LARGE1: variants seen among roughly 807,000 people sequenced by gnomAD.
The protein encoded by LARGE1 is xylosyl- and glucuronyltransferase LARGE1.
Under a neutral mutation model 87.6 loss-of-function variants are expected in LARGE1, and 43 were observed. The observed-to-expected ratio is 0.49, with a 90% CI of 0.38 to 0.63. The LOEUF is 0.63. Ranked by LOEUF, LARGE1 falls within the 30% of genes least tolerant of loss-of-function variation. LARGE1 has a pLI of 0.00. For synonymous variants in LARGE1, 434 were observed against 394.6 expected (o/e 1.10, Z -1.18); for missense variants, 802 against 1,000.2 (o/e 0.80, Z 2.67).
chr22:33,897,010 C>T (rs894745361), intron 1 of LARGE1, among the ~76,000 whole-genome samples: 4 of 152,174 alleles, frequency 2.6e-5, no homozygotes, highest in African/African-American at 4.8e-5. Context: ...TTCTGGTTAT[C>T]GCCCCTGTCT....
intron 5 of LARGE1, among the ~76,000 whole-genome samples, chr22:33,590,325 C>G (rs1439243997): frequency 6.6e-6 from 1 of 152,148 alleles, no homozygotes; most frequent in Non-Finnish European, 1.5e-5. Context: ...AAGTTGTTAT[C>G]CAGTAATGGA....
At chr22:33,697,701 G>A (rs2082293807) in intron 2 of LARGE1, among the ~76,000 whole-genome samples, 1 of 152,146 alleles carries the variant, frequency 6.6e-6, no homozygotes, top group South Asian at 2.1e-4. Flanking sequence ...TTCTTCTGCG[G>A]TGCGCTGCAG....
chr22:33,835,302 A>T (rs2063081062), intron 1 of LARGE1, among the ~76,000 whole-genome samples: 1 of 152,198 alleles, frequency 6.6e-6, no homozygotes, highest in Non-Finnish European at 1.5e-5. Flanking sequence ...AAAGGCAGGC[A>T]AGTCTTTGCA....
At position 33,871,744 on chromosome 22, in the gene LARGE1, A is replaced by C. The variant is rs16993200; in HGVS notation, c.-83+48251T>G. On this transcript the variant is annotated intron_variant, in intron 1 of 14. Coordinates refer to ENST00000397394, the MANE Select transcript of LARGE1 (RefSeq NM_133642.5). ...CTTTCTCTCTGCAACTTTTCACTGA[A>C]ACACTTGATTTTTTCACTGCATGAA... Among the ~76,000 whole-genome samples the C allele has an allele frequency of 6.2e-3, 940 of 152,180 alleles. 5 individuals are homozygous for C. Among genetic ancestry groups the C allele is most frequent in the African/African-American group, 0.021 (865 of 41,526 alleles).
At chr22:33,830,425 G>A (rs758062706) in intron 1 of LARGE1, among the ~76,000 whole-genome samples, 8 of 152,120 alleles carry the variant, frequency 5.3e-5, no homozygotes, top group African/African-American at 1.9e-4. Context: ...TTTCCTCCAC[G>A]AGAGGCAGGA....
intron 11 of LARGE1, among the ~76,000 whole-genome samples, chr22:33,259,211 T>C (rs767603328): frequency 6.6e-6 from 1 of 151,998 alleles, no homozygotes; most frequent in Non-Finnish European, 1.5e-5. Context: ...TGCTGAAGGG[T>C]TTATCTGATT....
chr22:33,452,968 A>G (rs1176789715), intron 6 of LARGE1, among the ~76,000 whole-genome samples: 2 of 152,210 alleles, frequency 1.3e-5, no homozygotes, highest in Non-Finnish European at 2.9e-5. Context: ...GGATTGTTTG[A>G]AAGGCAGCAA....
intron 6 of LARGE1, among the ~76,000 whole-genome samples, chr22:33,512,257 T>C (rs1047026453): frequency 6.6e-6 from 1 of 152,164 alleles, no homozygotes; most frequent in African/African-American, 2.4e-5. Context: ...GAATGTTGTA[T>C]GCCAAAGAAA....
At chr22:33,702,978 G>A (rs2082444101) in intron 2 of LARGE1, among the ~76,000 whole-genome samples, 2 of 152,152 alleles carry the variant, frequency 1.3e-5, no homozygotes, top group South Asian at 2.1e-4. Flanking sequence ...GCAGGAAAAG[G>A]TGTTCCAGGA....
intron 1 of LARGE1, among the ~76,000 whole-genome samples, chr22:33,891,011 T>C: frequency 6.7e-6 from 1 of 148,356 alleles, no homozygotes; most frequent in South Asian, 2.2e-4. Context: ...CTGGGCTCCA[T>C]ATGGTTCTGT....
chr22:33,587,933 G>A (rs1391746637), intron 5 of LARGE1, among the ~76,000 whole-genome samples: 1 of 152,014 alleles, frequency 6.6e-6, no homozygotes, highest in Non-Finnish European at 1.5e-5. Context: ...AATGCCTTTT[G>A]TTGGAAAATC....
chr22:33,712,764 G>A (rs1042648834), intron 2 of LARGE1, among the ~76,000 whole-genome samples: 2 of 150,892 alleles, frequency 1.3e-5, no homozygotes, highest in African/African-American at 4.9e-5. Context: ...GAAAGCAGAG[G>A]CAACAACACA....
intron 7 of LARGE1, among the ~76,000 whole-genome samples, chr22:33,421,253 T>G (rs2066688522): frequency 6.6e-6 from 1 of 150,934 alleles, no homozygotes; most frequent in Admixed American, 6.6e-5. Flanking sequence ...AATAAAGGAG[T>G]GGGAAAATAC....
At chr22:33,825,416 T>G (rs536123565) in intron 1 of LARGE1, among the ~76,000 whole-genome samples, 11 of 146,360 alleles carry the variant, frequency 7.5e-5, no homozygotes, top group Non-Finnish European at 1.5e-4. Context: ...GACTGGGTAA[T>G]TATAAAGGAA....
At chr22:33,921,301 G>A (rs2065944728), upstream of LARGE1, among the ~76,000 whole-genome samples, 1 of 152,192 alleles carries the variant, frequency 6.6e-6, no homozygotes, top group African/African-American at 2.4e-5. The surrounding 1 kb of genome is among the most constrained non-coding windows in gnomAD (Gnocchi z 4.1). Flanking sequence ...TGCAAGCTGG[G>A]AGCTCCCCGC....
intron 11 of LARGE1, among the ~76,000 whole-genome samples, chr22:33,217,817 T>G (rs959310290): frequency 4.6e-5 from 7 of 152,180 alleles, no homozygotes; most frequent in Non-Finnish European, 1.0e-4. Flanking sequence ...AGGATCTCAC[T>G]GTGTTGCCCA....
chr22:33,709,201 A>T (rs2082651831), intron 2 of LARGE1, among the ~76,000 whole-genome samples: 1 of 152,148 alleles, frequency 6.6e-6, no homozygotes, highest in Non-Finnish European at 1.5e-5. Flanking sequence ...GCAAAATGAG[A>T]CACACAGGAA....
At chr22:33,763,939 T>G (rs2084818267) in intron 1 of LARGE1, among the ~76,000 whole-genome samples, 1 of 132,376 alleles carries the variant, frequency 7.6e-6, no homozygotes, top group Non-Finnish European at 1.6e-5. Context: ...AACCTCCGCC[T>G]CCCATGTTCA....
chr22:33,621,292 G>A (rs541019827), intron 4 of LARGE1, among the ~76,000 whole-genome samples: 2 of 152,012 alleles, frequency 1.3e-5, no homozygotes. Context: ...GAGTCCCTAC[G>A]GTGGTCATAC....
Sources: gnomAD v4.1 joint callset for allele counts (sites outside exome capture counted in the v4.1 genomes callset) on GRCh38, gnomAD v4.1.1 for gene constraint, Gnocchi (gnomAD v3.1) non-coding constraint, MANE v1.5 for transcripts, NCBI Gene and HGNC (gene_info 2026-07-23, HGNC 2026-07-21) for gene names.